The following PABPC4L variants were observed in gnomAD, a reference collection of about 807,000 sequenced individuals.
PABPC4L encodes polyadenylate-binding protein 4-like.
For synonymous variants in PABPC4L, 169 were observed against 164.1 expected (o/e 1.03, Z -0.23); for missense variants, 452 against 451.4 (o/e 1.00, Z -0.01).
the PABPC4L span, among the ~76,000 whole-genome samples, chr4:133,973,177 G>C: frequency 6.6e-6 from 1 of 152,078 alleles, no homozygotes; most frequent in African/African-American, 2.4e-5. Flanking sequence ...TAAATGTCTT[G>C]ATTTATTGCC....
the PABPC4L span, among the ~76,000 whole-genome samples, chr4:134,002,623 A>G: frequency 2.0e-5 from 3 of 151,972 alleles, no homozygotes; most frequent in African/African-American, 7.2e-5. Context: ...GAATTTAGTT[A>G]TGTGCCCTTA....
the PABPC4L span, among the ~76,000 whole-genome samples, chr4:133,981,983 A>T: frequency 6.6e-6 from 1 of 152,008 alleles, no homozygotes; most frequent in Non-Finnish European, 1.5e-5. Flanking sequence ...TATTTAATAA[A>T]GTTACTGTAT....
chr4:134,022,314 TA>T, the PABPC4L span, among the ~76,000 whole-genome samples: 1 of 152,130 alleles, frequency 6.6e-6, no homozygotes, highest in African/African-American at 2.4e-5. Context: ...TTCCCTAAAT[TA>T]GCCGCATTCA....
the PABPC4L span, among the ~76,000 whole-genome samples, chr4:134,142,368 G>A: frequency 1.1e-4 from 16 of 151,750 alleles, no homozygotes; most frequent in African/African-American, 3.1e-4. Context: ...CGTTTTATCC[G>A]GGAAAAGCAT....
chr4:134,185,193 T>C, the PABPC4L span, among the ~76,000 whole-genome samples: 3 of 151,976 alleles, frequency 2.0e-5, no homozygotes, highest in Non-Finnish European at 4.4e-5. Flanking sequence ...ATTGTGTCTT[T>C]GGTGTGGTAT....
chr4:134,086,896 C>T, the PABPC4L span, among the ~76,000 whole-genome samples: 4 of 151,816 alleles, frequency 2.6e-5, no homozygotes, highest in Non-Finnish European at 4.4e-5. Context: ...TGGTGCGCTG[C>T]ACCCACTAAC....
At chr4:134,037,551 A>C in the PABPC4L span, among the ~76,000 whole-genome samples, 2 of 152,270 alleles carry the variant, frequency 1.3e-5, no homozygotes, top group East Asian at 3.9e-4. Context: ...TCTGCAAGGA[A>C]TACAAACAAA....
the PABPC4L span, among the ~76,000 whole-genome samples, chr4:134,145,735 G>T: frequency 6.6e-6 from 1 of 151,804 alleles, no homozygotes; most frequent in Non-Finnish European, 1.5e-5. Context: ...AAGATTCCTA[G>T]TACTCTCTAA....
At chr4:134,151,968 T>C in the PABPC4L span, among the ~76,000 whole-genome samples, 2 of 151,956 alleles carry the variant, frequency 1.3e-5, no homozygotes, top group Non-Finnish European at 2.9e-5. Context: ...TTTTACTGAA[T>C]TTCCATTTTA....
chr4:134,143,217 C>T, the PABPC4L span, among the ~76,000 whole-genome samples: 2 of 150,586 alleles, frequency 1.3e-5, no homozygotes, highest in East Asian at 1.9e-4. Context: ...TGTATTGATA[C>T]ATTGTAGATA....
chr4:134,128,541 A>G, the PABPC4L span, among the ~76,000 whole-genome samples: 11 of 152,102 alleles, frequency 7.2e-5, 1 homozygote, highest in South Asian at 2.3e-3. Context: ...AAAATTTTGT[A>G]TCCAGCAAAA....
the PABPC4L span, among the ~76,000 whole-genome samples, chr4:133,996,768 A>G: frequency 6.6e-6 from 1 of 152,156 alleles, no homozygotes; most frequent in African/African-American, 2.4e-5. Flanking sequence ...CGCCAATGAC[A>G]GTGCAGCAGC....
chr4:134,045,621 A>G, the PABPC4L span, among the ~76,000 whole-genome samples: 1 of 152,138 alleles, frequency 6.6e-6, no homozygotes, highest in African/African-American at 2.4e-5. Flanking sequence ...GCGTGGGTCT[A>G]AATTCCAAGT....
the PABPC4L span, among the ~76,000 whole-genome samples, chr4:134,065,423 C>T: frequency 1.3e-5 from 2 of 152,066 alleles, no homozygotes; most frequent in East Asian, 3.9e-4. Flanking sequence ...TGTCCTTTGC[C>T]TGCTTTTTCA....
the PABPC4L span, among the ~76,000 whole-genome samples, chr4:134,081,872 T>C: frequency 4.6e-5 from 7 of 152,292 alleles, no homozygotes; most frequent in Admixed American, 4.6e-4. Flanking sequence ...TGCTGAAATA[T>C]AATGCTTCTA....
At chr4:134,150,630 C>T in the PABPC4L span, among the ~76,000 whole-genome samples, 1 of 152,074 alleles carries the variant, frequency 6.6e-6, no homozygotes, top group Non-Finnish European at 1.5e-5. Context: ...AAAGATCATG[C>T]TATAATGGCC....
the PABPC4L span, among the ~76,000 whole-genome samples, chr4:134,077,525 G>A: frequency 3.3e-5 from 5 of 152,098 alleles, no homozygotes; most frequent in African/African-American, 1.2e-4. Flanking sequence ...AACATCATTG[G>A]GTGGGTGAGC....
chr4:134,107,200 T>G, the PABPC4L span, among the ~76,000 whole-genome samples: 1 of 151,442 alleles, frequency 6.6e-6, no homozygotes, highest in African/African-American at 2.4e-5. Flanking sequence ...ACATAAGAAT[T>G]ATTTAGGGAA....
chr4:134,094,024 G>T, the PABPC4L span, among the ~76,000 whole-genome samples: 1 of 151,778 alleles, frequency 6.6e-6, no homozygotes, highest in Admixed American at 6.6e-5. Flanking sequence ...CAGCCATGAT[G>T]CATGCCATGT....
Sources: allele counts gnomAD v4.1 joint callset (sites outside exome capture counted in the v4.1 genomes callset), GRCh38; gene constraint gnomAD v4.1.1; transcripts MANE v1.5; gene names NCBI Gene and HGNC (gene_info 2026-07-23, HGNC 2026-07-21).